Variants in POTEE observed in about 807,000 individuals in gnomAD.
The protein encoded by POTEE is POTE ankyrin domain family member E, also known as ANKRD26-like family C member 1A.
Under a neutral mutation model 74.2 loss-of-function variants are expected in POTEE, and 21 were observed. That is an observed-to-expected ratio of 0.28 (90% CI 0.20 to 0.41). The LOEUF (loss-of-function observed/expected upper bound fraction) is 0.41, where lower values mean the gene tolerates loss of function less well. Ranked by LOEUF, POTEE falls within the 10% of genes least tolerant of loss-of-function variation. The probability of loss-of-function intolerance (pLI) is 1.00; values close to 1 mark genes in which losing one functional copy is unlikely to be tolerated. For missense variants in POTEE, 525 were observed against 1,158.6 expected (o/e 0.45, Z 7.94); for synonymous variants, 211 against 432.8 (o/e 0.49, Z 6.36).
chr2:131,223,025 A>C (rs534935788), intron 4 of POTEE, among the ~76,000 whole-genome samples: 1 of 151,862 alleles, frequency 6.6e-6, no homozygotes, highest in East Asian at 1.9e-4. Flanking sequence ...ATTTCAGTGG[A>C]GACAACATGG....
At chr2:131,234,267 A>G (rs1701059143) in intron 9 of POTEE, among the ~76,000 whole-genome samples, 1 of 151,628 alleles carries the variant, frequency 6.6e-6, no homozygotes, top group Non-Finnish European at 1.5e-5. Context: ...GAGCATATGA[A>G]GGCAGCACAG....
intron 2 of POTEE, among the ~76,000 whole-genome samples, 197 bp from the exon 3 acceptor site, chr2:131,217,392 G>A (rs1262617315): frequency 5.0e-5 from 5 of 99,684 alleles, no homozygotes; most frequent in African/African-American, 2.0e-4. Flanking sequence ...GGCTCGGTGG[G>A]CGTCTTGTGC....
Position 131,226,813 on chromosome 2 carries a change from T to A in POTEE, c.811-10T>A. On this transcript the variant is annotated splice_polypyrimidine_tract_variant and intron_variant, in intron 6 of 17. Transcript: ENST00000683005. The stretch of plus-strand genomic sequence containing the variant: ...AATTACATAGGTTTTTGCTTTATAT[T>A]GTTTTACAGCATGGCCTCACACCAC... 6.2e-7 allele frequency: 1 copy of A among 1,611,504 alleles called. No individual in the cohort carries two copies. The highest frequency in any genetic ancestry group is 1.1e-5 in the South Asian group (1 of 90,866).
At chr2:131,214,321 GTATT>G in intron 2 of POTEE, among the ~76,000 whole-genome samples, 1 of 152,216 alleles carries the variant, frequency 6.6e-6, no homozygotes, top group Non-Finnish European at 1.5e-5. Context: ...ATATGAAGAT[GTATT>G]TATTATAAGA....
intron 9 of POTEE, among the ~76,000 whole-genome samples, chr2:131,235,756 TGCAC>T (rs1442291684): frequency 1.6e-5 from 2 of 125,050 alleles, no homozygotes; most frequent in Non-Finnish European, 3.1e-5. Context: ...ATTGCGCCAC[TGCAC>T]TCCAGCCTGG....
chr2:131,217,765 AC>A (rs1700478527), intron 3 of POTEE, among the ~76,000 whole-genome samples, 82 bp downstream of exon 3: 1 of 11,144 alleles, frequency 9.0e-5, no homozygotes, highest in African/African-American at 1.2e-4. Flanking sequence ...CGCACGCCGC[AC>A]GCGCACGCCG....
intron 16 of POTEE, among the ~76,000 whole-genome samples, chr2:131,256,928 G>A (rs879586635): frequency 5.3e-5 from 8 of 152,274 alleles, no homozygotes; most frequent in African/African-American, 1.9e-4. Context: ...TTGAGGGAAG[G>A]TTCAATGAAA....
intron 8 of POTEE, 127 bp from the exon 9 acceptor site, chr2:131,230,709 G>A: frequency 1.2e-6 from 1 of 859,292 alleles, no homozygotes; most frequent in South Asian, 1.7e-5. Context: ...ATAAGTGGAT[G>A]GGATAATACT....
rs751319628 is a variant in POTEE at position 131,263,908 on chromosome 2, A to G, written c.2453A>G (p.Lys818Arg). ...CTGAACCCCAAGGCCAACCGCGAGA[A>G]GATGACCCAGATCATGTTTGAGACC... ...APLNPKANREKMTQIMFETFN... is the reference protein window; with the variant it reads ...APLNPKANRERMTQIMFETFN... The change falls in exon 18 of 18, where the codon AAG becomes AGG. Residue 818 changes from lysine to arginine, a missense_variant. Transcript: ENST00000683005. 6.2e-7 allele frequency: 1 copy of G among 1,614,198 alleles called. No homozygotes were observed. The highest frequency in any genetic ancestry group is 1.7e-5 in the Admixed American group (1 of 60,030).
chr2:131,213,542 A>G (rs1700397479), intron 2 of POTEE, among the ~76,000 whole-genome samples: 1 of 151,728 alleles, frequency 6.6e-6, no homozygotes, highest in Non-Finnish European at 1.5e-5. Flanking sequence ...GATAGGTTAT[A>G]TTGAAGAGAT....
chr2:131,229,132 A>G (rs1700869629), intron 8 of POTEE, among the ~76,000 whole-genome samples: 2 of 151,632 alleles, frequency 1.3e-5, no homozygotes, highest in Admixed American at 6.6e-5. Flanking sequence ...TTCAGAACCT[A>G]ATGTGGAACC....
At chr2:131,220,975 A>G (rs1183885568) in intron 4 of POTEE, among the ~76,000 whole-genome samples, 1,690 of 139,042 alleles carry the variant, frequency 0.012, 26 homozygotes, top group African/African-American at 0.04. Flanking sequence ...AAAAAAAAAG[A>G]AAAAAAAAAA....
chr2:131,222,841 G>A (rs887621038), intron 4 of POTEE, among the ~76,000 whole-genome samples: 15 of 151,426 alleles, frequency 9.9e-5, no homozygotes, highest in African/African-American at 3.7e-4. Context: ...GTTCTTTTAA[G>A]AACTAAAATT....
chr2:131,209,702 A>G lies in POTEE; in HGVS notation c.-462A>G, dbSNP rs1700314243. Reference sequence around the variant, plus strand: ...CCAGGCAGGAAGACGAGTAGAAGGGAGCAGCACCGACGCATGCTGGAGGCT... The same window carrying G: ...CCAGGCAGGAAGACGAGTAGAAGGGGGCAGCACCGACGCATGCTGGAGGCT... On this transcript the variant is annotated 5_prime_UTR_variant, in exon 1 of 18. Transcript: ENST00000683005. Among the ~76,000 whole-genome samples, 1 of 152,260 alleles carries G rather than the reference A, an allele frequency of 6.6e-6. No individual in the cohort carries two copies. Among genetic ancestry groups the G allele is most frequent in the South Asian group, 2.1e-4 (1 of 4,830 alleles).
At chr2:131,260,256 AACATATTTGTT>A (rs1163789815) in intron 16 of POTEE, among the ~76,000 whole-genome samples, 1 of 149,794 alleles carries the variant, frequency 6.7e-6, no homozygotes, top group Non-Finnish European at 1.5e-5. Flanking sequence ...ATGTGATGCC[AACATATTTGTT>A]CCTTTTGCTT....
intron 16 of POTEE, among the ~76,000 whole-genome samples, chr2:131,254,984 G>T (rs1701553100): frequency 6.6e-6 from 1 of 152,242 alleles, no homozygotes; most frequent in Non-Finnish European, 1.5e-5. Flanking sequence ...ATCTAGAAAT[G>T]TTCAAAGGGC....
At chr2:131,214,226 C>G (rs1248911926) in intron 2 of POTEE, among the ~76,000 whole-genome samples, 1 of 152,272 alleles carries the variant, frequency 6.6e-6, no homozygotes, top group South Asian at 2.1e-4. Flanking sequence ...AGGCTCTCCT[C>G]TGTTTTGCCT....
intron 16 of POTEE, among the ~76,000 whole-genome samples, chr2:131,258,759 G>A (rs1237453674): frequency 1.7e-4 from 1 of 6,038 alleles, no homozygotes; most frequent in African/African-American, 4.4e-4. Context: ...TAAAAATAAG[G>A]ATAACCACCC....
intron 6 of POTEE, among the ~76,000 whole-genome samples, chr2:131,224,999 C>G (rs1700735721): frequency 6.6e-6 from 1 of 152,020 alleles, no homozygotes; most frequent in Admixed American, 6.6e-5. Flanking sequence ...CGGGGAAAAT[C>G]ATGTGGTGTT....
Sources: allele counts gnomAD v4.1 joint callset (sites outside exome capture counted in the v4.1 genomes callset), GRCh38; gene constraint gnomAD v4.1.1; transcripts MANE v1.5; gene names NCBI Gene and HGNC (gene_info 2026-07-23, HGNC 2026-07-21).